Variants in TMTC1 observed in about 807,000 individuals in gnomAD.
The protein encoded by TMTC1 is protein O-mannosyl-transferase TMTC1.
Under a neutral mutation model 104.8 loss-of-function variants are expected in TMTC1, and 73 were observed. That is an observed-to-expected ratio of 0.70 (90% CI 0.58 to 0.85). The LOEUF is 0.85. Among genes scored for constraint, TMTC1 ranks in the 40% least tolerant of loss-of-function variants. The pLI, the probability that TMTC1 is intolerant of heterozygous loss-of-function variation, is 0.00. For missense variants in TMTC1, 1,035 were observed against 1,096.1 expected (o/e 0.94, Z 0.79); for synonymous variants, 434 against 428.7 (o/e 1.01, Z -0.15).
intron 2 of TMTC1, among the ~76,000 whole-genome samples, chr12:29,760,431 G>A (rs547936656): frequency 7.9e-5 from 12 of 152,278 alleles, no homozygotes; most frequent in Non-Finnish European, 1.5e-4. Flanking sequence ...ATCAATGGAT[G>A]CTAAACCTAG....
intron 10 of TMTC1, among the ~76,000 whole-genome samples, chr12:29,551,462 T>C (rs775757958): frequency 2.0e-5 from 3 of 152,246 alleles, no homozygotes; most frequent in Non-Finnish European, 4.4e-5. Flanking sequence ...ATCTGCTATA[T>C]AGTTCAATTA....
chr12:29,744,145 G>A (rs1942894375), intron 5 of TMTC1, among the ~76,000 whole-genome samples: 2 of 152,222 alleles, frequency 1.3e-5, no homozygotes. Context: ...GAAGGCAGAT[G>A]CCTAAGCTTG....
intron 8 of TMTC1, among the ~76,000 whole-genome samples, chr12:29,575,140 A>C (rs1945786923): frequency 6.6e-6 from 1 of 152,136 alleles, no homozygotes; most frequent in Non-Finnish European, 1.5e-5. Context: ...CTTGGACCCG[A>C]GGAGTTTGGT....
At chr12:29,570,775 T>A (rs1336294085) in intron 9 of TMTC1, among the ~76,000 whole-genome samples, 2 of 151,366 alleles carry the variant, frequency 1.3e-5, no homozygotes, top group Non-Finnish European at 2.9e-5. Flanking sequence ...ACCTTAGAGG[T>A]AGAGGTTTCA....
In TMTC1 at chr12:29,645,239, T is replaced by C. The variant is rs115769659; in HGVS notation, c.939-11903A>G. ...TTTCTACAACCCAATAAAAGATATC[T>C]GCTAGACTTGCAGTTGTCCAGGCAT... On this transcript the variant is annotated intron_variant, in intron 5 of 17. Transcript: ENST00000539277. Among the ~76,000 whole-genome samples, 218 of 152,342 alleles carry C rather than the reference T, an allele frequency of 1.4e-3. 1 individual carries two copies. Among genetic ancestry groups the C allele is most frequent in the African/African-American group, 5.2e-3 (215 of 41,570 alleles).
intron 5 of TMTC1, among the ~76,000 whole-genome samples, chr12:29,685,529 A>G (rs1459138527): frequency 6.6e-6 from 1 of 152,132 alleles, no homozygotes; most frequent in East Asian, 1.9e-4. Context: ...ATCTCATTCT[A>G]TATACCTATG....
chr12:29,783,620 G>T lies in TMTC1; in HGVS notation c.132C>A (p.Ser44=). 6.8e-7 allele frequency: 1 copy of T among 1,467,776 alleles called. No homozygotes were observed. The highest frequency in any genetic ancestry group is 1.3e-5 in the South Asian group (1 of 76,834). The allele number at this position is 1,467,776 out of a possible 1,614,324, so 90.9% of individuals were successfully genotyped here. The part of the protein sequence containing the change: ...AGASCLCYGR[S]LQGEFVHDDV... Reference sequence around the variant, plus strand: ...CGTCGTGCACGAACTCGCCCTGCAGGGAGCGGCCGTAGCACAGGCAGCTTG... The same window carrying T: ...CGTCGTGCACGAACTCGCCCTGCAGTGAGCGGCCGTAGCACAGGCAGCTTG... Residue 44 remains serine, a synonymous_variant, in exon 1 of 18, where the codon TCC becomes TCA. Transcript: ENST00000539277. This position sits in a 1 kb window ranked among gnomAD's most constrained non-coding sequence, Gnocchi z 4.7.
intron 10 of TMTC1, among the ~76,000 whole-genome samples, chr12:29,550,413 C>G (rs983579489): frequency 6.6e-6 from 1 of 152,102 alleles, no homozygotes; most frequent in Non-Finnish European, 1.5e-5. Context: ...AGAATAGCAC[C>G]TGTCACGGAA....
chr12:29,582,414 C>T (rs1946007034), intron 8 of TMTC1, among the ~76,000 whole-genome samples: 1 of 152,214 alleles, frequency 6.6e-6, no homozygotes, highest in Non-Finnish European at 1.5e-5. Flanking sequence ...TCAGTCCTCT[C>T]AGTGCCTTGC....
At chr12:29,698,364 A>AT (rs1941485693) in intron 5 of TMTC1, among the ~76,000 whole-genome samples, 2 of 151,980 alleles carry the variant, frequency 1.3e-5, no homozygotes, top group South Asian at 4.2e-4. Flanking sequence ...CTCCTCTGTG[A>AT]TTTTTGCCCT....
chr12:29,503,938 G>C lies in TMTC1; in HGVS notation c.*2908C>G, dbSNP rs992827415. 6.6e-6 allele frequency: 1 copy of C among 152,110 alleles called. No homozygotes were observed. The highest frequency in any genetic ancestry group is 2.4e-5 in the African/African-American group (1 of 41,342). 9.4% of individuals were successfully genotyped at this position (152,110 alleles called of 1,614,324 possible). A position where few individuals can be genotyped will look rare whatever the true frequency, so the allele number is the denominator to read the frequency against. On this transcript the variant is annotated 3_prime_UTR_variant, in exon 18 of 18. Coordinates refer to ENST00000539277, the MANE Select transcript of TMTC1 (RefSeq NM_001193451.2). Reference sequence around the variant, plus strand: ...GTCTCTACAAAAAATACAAAAATTAGCTGGACATGCTGGCATATGCCTGTA... The same window carrying C: ...GTCTCTACAAAAAATACAAAAATTACCTGGACATGCTGGCATATGCCTGTA...
chr12:29,639,593 C>T (rs796986198), intron 5 of TMTC1, among the ~76,000 whole-genome samples: 2 of 152,272 alleles, frequency 1.3e-5, no homozygotes, highest in African/African-American at 4.8e-5. Flanking sequence ...AAAATAAATG[C>T]ATATTTCATG....
At chr12:29,634,375 T>C (rs1938447186) in intron 5 of TMTC1, among the ~76,000 whole-genome samples, 1 of 152,152 alleles carries the variant, frequency 6.6e-6, no homozygotes, top group Non-Finnish European at 1.5e-5. Flanking sequence ...ACTTTAACTT[T>C]GAGAACTGTC....
intron 3 of TMTC1, among the ~76,000 whole-genome samples, chr12:29,756,661 G>A (rs1943222360): frequency 6.6e-6 from 1 of 151,994 alleles, no homozygotes; most frequent in Admixed American, 6.6e-5. Context: ...GTTTCACCTT[G>A]TAAAACAGAG....
chr12:29,516,547 C>T (rs1943992518), intron 14 of TMTC1, 61 bp from the exon 15 acceptor site: 4 of 1,537,470 alleles, frequency 2.6e-6, no homozygotes, highest in Middle Eastern at 2.2e-4. Flanking sequence ...AATAAAGCAT[C>T]CCTGAATAGA....
chr12:29,584,013 G>T (rs1026348866), intron 7 of TMTC1, among the ~76,000 whole-genome samples: 1 of 152,158 alleles, frequency 6.6e-6, no homozygotes, highest in African/African-American at 2.4e-5. Flanking sequence ...TAGGGAGAGT[G>T]TCTGAAAGCT....
chr12:29,709,412 C>A (rs904902267), intron 5 of TMTC1, among the ~76,000 whole-genome samples: 2 of 151,804 alleles, frequency 1.3e-5, no homozygotes, highest in African/African-American at 4.8e-5. Flanking sequence ...AGAGCAATAC[C>A]CAGAGAGCTA....
At chr12:29,542,642 T>C (rs1025112194) in intron 10 of TMTC1, among the ~76,000 whole-genome samples, 11 of 152,076 alleles carry the variant, frequency 7.2e-5, no homozygotes, top group Non-Finnish European at 1.6e-4. Context: ...GCCTCTCAGG[T>C]GATTCTGCTT....
At chr12:29,517,734 G>C (rs1404178422) in intron 13 of TMTC1, among the ~76,000 whole-genome samples, 163 bp from the exon 14 acceptor site, 2 of 148,060 alleles carry the variant, frequency 1.4e-5, no homozygotes, top group African/African-American at 5.0e-5. Context: ...CTTTTTTTTT[G>C]AGACAGAGTC....
Sources: allele counts gnomAD v4.1 joint callset (sites outside exome capture counted in the v4.1 genomes callset), GRCh38; gene constraint gnomAD v4.1.1; non-coding constraint Gnocchi (gnomAD v3.1); transcripts MANE v1.5; gene names NCBI Gene and HGNC (gene_info 2026-07-23, HGNC 2026-07-21).